The following LRP12 variants were observed in gnomAD, a reference collection of about 807,000 sequenced individuals.
The protein encoded by LRP12 is low-density lipoprotein receptor-related protein 12.
In LRP12, 14 loss-of-function variants were observed where a neutral mutation model predicts 66.0. The observed-to-expected ratio is 0.21, with a 90% CI of 0.14 to 0.33. The LOEUF is 0.33. Among genes scored for constraint, LRP12 ranks in the 10% least tolerant of loss-of-function variants. The pLI is 1.00. For synonymous variants in LRP12, 357 were observed against 359.1 expected (o/e 0.99, Z 0.07); for missense variants, 889 against 1,053.4 (o/e 0.84, Z 2.16).
intron 1 of LRP12, among the ~76,000 whole-genome samples, chr8:104,546,370 A>G (rs1010509798): frequency 6.6e-6 from 1 of 152,134 alleles, no homozygotes; most frequent in African/African-American, 2.4e-5. Flanking sequence ...TCCATAACCC[A>G]AAAAAGCTCT....
intron 2 of LRP12, among the ~76,000 whole-genome samples, chr8:104,515,875 C>T (rs1204523127): frequency 6.6e-6 from 1 of 152,110 alleles, no homozygotes; most frequent in Admixed American, 6.6e-5. Flanking sequence ...CATTTTGCTT[C>T]CTTAATACAT....
intron 2 of LRP12, among the ~76,000 whole-genome samples, chr8:104,512,219 A>G (rs1811010028): frequency 6.6e-6 from 1 of 152,212 alleles, no homozygotes; most frequent in Non-Finnish European, 1.5e-5. Flanking sequence ...CAGGAGGCTG[A>G]GGCAGGAGAA....
At chr8:104,494,579 A>G (rs1027939833) in intron 6 of LRP12, among the ~76,000 whole-genome samples, 6 of 152,184 alleles carry the variant, frequency 3.9e-5, no homozygotes, top group African/African-American at 1.2e-4. Context: ...TAAGAAATTG[A>G]AAGAATTCAG....
At chr8:104,525,988 G>A (rs1434948369) in intron 2 of LRP12, among the ~76,000 whole-genome samples, 4 of 152,250 alleles carry the variant, frequency 2.6e-5, no homozygotes, top group East Asian at 1.9e-4. Context: ...GCAGTCTCAC[G>A]ATACAAAATC....
At chr8:104,531,287 G>A (rs1264861565) in intron 2 of LRP12, among the ~76,000 whole-genome samples, 1 of 152,074 alleles carries the variant, frequency 6.6e-6, no homozygotes, top group Non-Finnish European at 1.5e-5. Context: ...AGCAAAAATG[G>A]TAACGGAGCT....
chr8:104,502,130 A>G (rs1186023467), intron 3 of LRP12, among the ~76,000 whole-genome samples: 1 of 152,224 alleles, frequency 6.6e-6, no homozygotes, highest in African/African-American at 2.4e-5. Context: ...ACACTTGTTT[A>G]AAGTGAGTTT....
intron 1 of LRP12, among the ~76,000 whole-genome samples, chr8:104,569,083 GAATA>G (rs144666798): frequency 0.027 from 4,160 of 152,160 alleles, 193 homozygotes; most frequent in African/African-American, 0.094. Flanking sequence ...GAATTTTTGG[GAATA>G]AAGTACTGAG....
intron 1 of LRP12, among the ~76,000 whole-genome samples, chr8:104,580,757 C>G (rs1037675231): frequency 6.6e-6 from 1 of 152,070 alleles, no homozygotes; most frequent in East Asian, 1.9e-4. Context: ...GTCAGAATGG[C>G]TAATTATTAA....
At chr8:104,517,583 A>G (rs1455727364) in intron 2 of LRP12, among the ~76,000 whole-genome samples, 1 of 152,114 alleles carries the variant, frequency 6.6e-6, no homozygotes, top group Non-Finnish European at 1.5e-5. Flanking sequence ...ATCTTTTTGT[A>G]CAATTTTACT....
chr8:104,492,562 T>C (rs767004263), intron 6 of LRP12, among the ~76,000 whole-genome samples: 12 of 152,084 alleles, frequency 7.9e-5, no homozygotes, highest in Non-Finnish European at 1.6e-4. Flanking sequence ...TCACACCTCT[T>C]CCCTTTCCCC....
At chr8:104,507,017 C>T (rs1248623037) in intron 3 of LRP12, 1 of 152,028 alleles carries the variant, frequency 6.6e-6, no homozygotes, top group Non-Finnish European at 1.5e-5. Flanking sequence ...ACTAGATAAT[C>T]ATATACTTTT....
chr8:104,518,808 G>C (rs1312786308), intron 2 of LRP12, among the ~76,000 whole-genome samples: 1 of 151,978 alleles, frequency 6.6e-6, no homozygotes, highest in Non-Finnish European at 1.5e-5. Context: ...AAGATGCTTA[G>C]GGCAAGGAGT....
rs11350393 is a variant in LRP12, at chr8:104,511,030, CTTTTTTTTTTTTTTTT to C, written c.137-1972_137-1957del. ...TTACAATTGTAATTTGGAAAAATGACTTTTTTTTTTTTTTTTTTTTTTTTTTTTGAGATAGAGTCTC... is the reference window on the plus strand; with the variant it reads ...TTACAATTGTAATTTGGAAAAATGACTTTTTTTTTTTTGAGATAGAGTCTC... On this transcript the variant is annotated intron_variant, in intron 2 of 6. Coordinates refer to ENST00000276654, the MANE Select transcript of LRP12 (RefSeq NM_013437.5). 2.0e-3 allele frequency among the ~76,000 whole-genome samples: 110 copies of C among 54,378 alleles called. 1 individual carries two copies. In the South Asian group the frequency reaches 0.031, roughly 15 times the overall value. 35.7% of individuals were successfully genotyped at this position (54,378 alleles called of 152,430 possible).
In LRP12 at chr8:104,490,764, C is replaced by T. The variant is rs1350437840; in HGVS notation, c.2489G>A (p.Gly830Asp). Residue 830 changes from glycine to aspartate, a missense_variant, in exon 7 of 7, where the codon GGT (glycine) becomes GAT (aspartate). Gly to Asp is a moderately conservative substitution (Grantham distance 94). Around this residue, in one of 3 missense-constraint regions of LRP12, gnomAD observed 800 missense variants for 964.5 expected, o/e 0.83. Coordinates refer to ENST00000276654, the MANE Select transcript of LRP12 (RefSeq NM_013437.5). ...SNRDGPCERC[G>D]IVHTAQIPDT... ...TGGTATCTGGGCAGTGTGGACAATA[C>T]CACAGCGCTCACAGGGGCCATCTCG... 2 of 1,614,078 alleles carry T rather than the reference C, an allele frequency of 1.2e-6. No individual in the cohort carries two copies. The highest frequency in any genetic ancestry group is 8.5e-7 in the Non-Finnish European group (1 of 1,180,006).
chr8:104,555,545 T>G (rs7817448), intron 1 of LRP12, among the ~76,000 whole-genome samples: 4,684 of 151,490 alleles, frequency 0.031, 239 homozygotes, highest in African/African-American at 0.11. Flanking sequence ...AAAAAAGAAA[T>G]AAATAAATAA....
At chr8:104,552,216 G>T (rs1372601105) in intron 1 of LRP12, among the ~76,000 whole-genome samples, 2 of 152,088 alleles carry the variant, frequency 1.3e-5, no homozygotes, top group African/African-American at 2.4e-5. Flanking sequence ...GATTGTAAGG[G>T]ACTTTGCTCT....
intron 1 of LRP12, chr8:104,566,395 A>T (rs1243964128): frequency 7.7e-6 from 2 of 260,698 alleles, no homozygotes; most frequent in Admixed American, 8.2e-5. Context: ...GCCTTAGGGG[A>T]AGAGCCTCCT....
At chr8:104,499,027 G>T (rs1270413281) in intron 4 of LRP12, among the ~76,000 whole-genome samples, 1 of 152,192 alleles carries the variant, frequency 6.6e-6, no homozygotes, top group Non-Finnish European at 1.5e-5. Context: ...TTCTGGATAT[G>T]CGTAAGCACT....
At chr8:104,545,667 T>A (rs1280876645) in intron 1 of LRP12, among the ~76,000 whole-genome samples, 1 of 152,160 alleles carries the variant, frequency 6.6e-6, no homozygotes, top group East Asian at 1.9e-4. Context: ...TAAATTAAGG[T>A]ATATATATTT....
Sources: gnomAD v4.1 joint callset for allele counts (sites outside exome capture counted in the v4.1 genomes callset) on GRCh38, gnomAD v4.1.1 for gene constraint, gnomAD v4.1.1 regional missense constraint, MANE v1.5 for transcripts, NCBI Gene and HGNC (gene_info 2026-07-23, HGNC 2026-07-21) for gene names.